Variants in RAI14 observed in about 807,000 individuals in gnomAD.
The protein encoded by RAI14 is ankycorbin.
In RAI14, 45 loss-of-function variants were observed where a neutral mutation model predicts 115.4. The ratio of observed to expected loss-of-function variants is 0.39; its 90% confidence interval spans 0.31 to 0.50. The LOEUF (loss-of-function observed/expected upper bound fraction) is 0.50. Among genes scored for constraint, RAI14 ranks in the 20% least tolerant of loss-of-function variants. RAI14 has a pLI of 0.85. For missense variants in RAI14, 939 were observed against 1,131.2 expected, an observed-to-expected ratio of 0.83 and a Z score of 2.44; for synonymous variants, 371 against 415.4, an observed-to-expected ratio of 0.89 and a Z score of 1.30.
intron 2 of RAI14, among the ~76,000 whole-genome samples, chr5:34,713,695 TTG>T (rs1741670665): frequency 6.6e-6 from 1 of 150,890 alleles, no homozygotes; most frequent in African/African-American, 2.4e-5. Context: ...GCCGCCGTAC[TTG>T]GCTGAGGAGC....
intron 3 of RAI14, among the ~76,000 whole-genome samples, chr5:34,766,498 C>T (rs1749389988): frequency 6.6e-6 from 1 of 152,070 alleles, no homozygotes; most frequent in Admixed American, 6.6e-5. Context: ...CTTGTGTGGG[C>T]CCTGTAACCA....
chr5:34,709,826 G>A (rs1042098132), intron 2 of RAI14, among the ~76,000 whole-genome samples: 15 of 152,188 alleles, frequency 9.9e-5, no homozygotes, highest in African/African-American at 2.2e-4. Context: ...GAGGGAAGCC[G>A]TGTAGATATT....
intron 10 of RAI14, among the ~76,000 whole-genome samples, chr5:34,812,665 C>CAAA (rs372158532): frequency 4.8e-5 from 7 of 146,102 alleles, no homozygotes; most frequent in Non-Finnish European, 9.0e-5. Context: ...AACTCCGTCT[C>CAAA]AAAAAAAAAA....
chr5:34,688,160 T>G, intron 2 of RAI14: 1 of 1,541,938 alleles, frequency 6.5e-7, no homozygotes, highest in South Asian at 1.2e-5. Flanking sequence ...TCATCCGACT[T>G]CCGAGAAACC....
At chr5:34,747,264 T>C (rs1224929099) in intron 2 of RAI14, among the ~76,000 whole-genome samples, 1 of 152,246 alleles carries the variant, frequency 6.6e-6, no homozygotes. Context: ...CTAATAATAG[T>C]ACCTACCTCA....
chr5:34,763,564 A>C (rs1171968022), intron 3 of RAI14, among the ~76,000 whole-genome samples: 1 of 152,260 alleles, frequency 6.6e-6, no homozygotes, highest in Non-Finnish European at 1.5e-5. Context: ...AAGTAAATAC[A>C]AAAGGAGAAA....
intron 2 of RAI14, among the ~76,000 whole-genome samples, chr5:34,756,248 C>T (rs948217926): frequency 1.2e-4 from 18 of 152,242 alleles, no homozygotes; most frequent in Admixed American, 7.2e-4. Flanking sequence ...CTCCCGGGGC[C>T]GTGGAAGACT....
chr5:34,749,968 C>A (rs1023758073), intron 2 of RAI14, among the ~76,000 whole-genome samples: 8 of 152,240 alleles, frequency 5.3e-5, no homozygotes, highest in Non-Finnish European at 8.8e-5. Context: ...TTGCATTAAG[C>A]TGTTATCAGC....
intron 2 of RAI14, chr5:34,757,204 A>C (rs1748002774): frequency 5.9e-6 from 3 of 504,728 alleles, no homozygotes; most frequent in Admixed American, 2.3e-5. Context: ...TCATATTCCT[A>C]GTGTTAGTTA....
chr5:34,831,731 A>G lies in RAI14; in HGVS notation c.*966A>G, dbSNP rs186280073. 2.0e-4 allele frequency: 30 copies of G among 152,356 alleles called. No individual in the cohort carries two copies. The East Asian group carries it at 5.4e-3, about 27-fold the overall frequency. The allele number at this position is 152,356 out of a possible 1,614,324, so 9.4% of individuals were successfully genotyped here. On this transcript the variant is annotated 3_prime_UTR_variant, in exon 18 of 18. Coordinates refer to ENST00000265109, the MANE Select transcript of RAI14 (RefSeq NM_015577.3). ...GCCATGCTTGAGACTTTTTAAAAATATAACTTTTTCCTTAAAGTTTTCAGC... is the reference window on the plus strand; with the variant it reads ...GCCATGCTTGAGACTTTTTAAAAATGTAACTTTTTCCTTAAAGTTTTCAGC...
intron 1 of RAI14, among the ~76,000 whole-genome samples, chr5:34,678,846 G>A (rs550852880): frequency 2.6e-5 from 4 of 152,224 alleles, no homozygotes; most frequent in South Asian, 2.1e-4. Flanking sequence ...CAGGGAATCC[G>A]CTTCCCTCTG....
At chr5:34,720,950 G>A (rs981235091) in intron 2 of RAI14, among the ~76,000 whole-genome samples, 1 of 151,774 alleles carries the variant, frequency 6.6e-6, no homozygotes, top group East Asian at 1.9e-4. Flanking sequence ...CTCAGCCTCC[G>A]GAGTAGCTGG....
intron 3 of RAI14, among the ~76,000 whole-genome samples, chr5:34,777,870 G>GT (rs1394396717): frequency 3.1e-5 from 4 of 128,960 alleles, no homozygotes; most frequent in South Asian, 2.4e-4. Flanking sequence ...TGTGGTGTGT[G>GT]TGGGGGGGGT....
At chr5:34,668,647 T>C (rs1210840930) in intron 1 of RAI14, among the ~76,000 whole-genome samples, 1 of 152,062 alleles carries the variant, frequency 6.6e-6, no homozygotes, top group Non-Finnish European at 1.5e-5. Flanking sequence ...TTTTTCTCTT[T>C]TGAGAAAAAC....
At chr5:34,798,855 G>T (rs1328201555) in intron 4 of RAI14, among the ~76,000 whole-genome samples, 1 of 152,230 alleles carries the variant, frequency 6.6e-6, no homozygotes. Flanking sequence ...GGAATCCACA[G>T]CACTTTGGGG....
intron 2 of RAI14, among the ~76,000 whole-genome samples, chr5:34,734,656 T>C (rs1271923515): frequency 6.6e-6 from 1 of 151,752 alleles, no homozygotes; most frequent in African/African-American, 2.4e-5. Context: ...TGTGCATATC[T>C]CATTTATTCT....
At position 34,826,216 on chromosome 5, in the gene RAI14, A is replaced by G. The variant is rs1165833924; in HGVS notation, c.2650-114A>G. 7 of 919,034 alleles carry G rather than the reference A, an allele frequency of 7.6e-6. No homozygotes were observed. In the Admixed American group the frequency reaches 1.7e-4, roughly 22 times the overall value. The allele number at this position is 919,034 out of a possible 1,614,324, so 56.9% of individuals were successfully genotyped here. ...ATGTATTAAAAAGGAATTGTTCCAA[A>G]GTCTTAAGTCCCAGAGGCCAAAAGA... On this transcript the variant is annotated intron_variant, in intron 15 of 17. Coordinates refer to ENST00000265109, the MANE Select transcript of RAI14 (RefSeq NM_015577.3).
At chr5:34,782,558 C>T (rs1751794026) in intron 3 of RAI14, among the ~76,000 whole-genome samples, 1 of 152,150 alleles carries the variant, frequency 6.6e-6, no homozygotes, top group East Asian at 1.9e-4. Context: ...TTTGCAATAT[C>T]CAAAGACAAA....
At chr5:34,786,569 G>A (rs1220135710) in intron 3 of RAI14, among the ~76,000 whole-genome samples, 7 of 152,132 alleles carry the variant, frequency 4.6e-5, no homozygotes, top group East Asian at 1.9e-4. Flanking sequence ...AAGGTGGAAC[G>A]AACCAGAGCC....
Sources: allele counts gnomAD v4.1 joint callset (sites outside exome capture counted in the v4.1 genomes callset), GRCh38; gene constraint gnomAD v4.1.1; transcripts MANE v1.5; gene names NCBI Gene and HGNC (gene_info 2026-07-23, HGNC 2026-07-21).